The following PCDH19 variants were observed in gnomAD, a reference collection of about 807,000 sequenced individuals.
The protein encoded by PCDH19 is protocadherin 19.
PCDH19 carries 6 observed loss-of-function variants against 46.2 expected under a neutral mutation model. The observed-to-expected ratio is 0.13, with a 90% CI of 0.07 to 0.26. The LOEUF (loss-of-function observed/expected upper bound fraction) is 0.26. PCDH19 is among the 10% of genes least tolerant of loss of function. The probability of loss-of-function intolerance (pLI) is 1.00; values close to 1 mark genes in which losing one functional copy is unlikely to be tolerated. For synonymous variants in PCDH19, 481 were observed against 415.7 expected, an observed-to-expected ratio of 1.16 and a Z score of -1.91; for missense variants, 740 against 972.3, an observed-to-expected ratio of 0.76 and a Z score of 3.18.
chrX:100,296,442 C>T lies in PCDH19; in HGVS notation c.3282G>A (p.Leu1094=). The T allele has an allele frequency of 8.3e-7, 1 of 1,211,430 alleles. No homozygotes were observed. Among genetic ancestry groups the T allele is most frequent in the Non-Finnish European group, 1.1e-6 (1 of 895,440 alleles). ...TGTTGACATTGTTGACATACTGCTC[C>T]AGATCACGGGCTGGGGGAGCCAGGG... ...TIALAPPARD[L]EQYVNNVNNG... The change falls in exon 6 of 6, where the codon CTG becomes CTA. Residue 1094 remains leucine (L), a synonymous_variant. Coordinates refer to ENST00000373034, the MANE Select transcript of PCDH19 (RefSeq NM_001184880.2).
intron 5 of PCDH19, among the ~76,000 whole-genome samples, chrX:100,339,931 G>C (rs1247287567): frequency 8.9e-6 from 1 of 111,822 alleles, no homozygotes; most frequent in Non-Finnish European, 1.9e-5. Flanking sequence ...GTGTATGCAT[G>C]TGTGTGTGTG....
At chrX:100,393,537 A>AC (rs1927929746) in intron 3 of PCDH19, among the ~76,000 whole-genome samples, 33 of 57,531 alleles carry the variant, frequency 5.7e-4, no homozygotes, top group African/African-American at 1.6e-3. Flanking sequence ...CACACACACA[A>AC]ACTCCCCTAA....
At chrX:100,330,839 AG>A (rs1925851297) in intron 5 of PCDH19, among the ~76,000 whole-genome samples, 1 of 112,247 alleles carries the variant, frequency 8.9e-6, no homozygotes, top group Non-Finnish European at 1.9e-5. Context: ...ATGATAAAAC[AG>A]GGTTGTCTAT....
chrX:100,396,210 T>C lies in PCDH19; in HGVS notation c.2616+6314A>G, dbSNP rs903730519. 3.9e-4 allele frequency among the ~76,000 whole-genome samples: 44 copies of C among 112,161 alleles called. 2 individuals are homozygous for C. The highest frequency in any genetic ancestry group is 7.5e-5 in the Non-Finnish European group (4 of 53,260). ...CCTAAGAGCCACAGCACTGCCACAA[T>C]TGAAAGACTCCAGCTTTGCCAGGAG... On this transcript the variant is annotated intron_variant, in intron 3 of 5. Transcript: ENST00000373034.
At chrX:100,305,152 G>C (rs1370045827) in intron 5 of PCDH19, among the ~76,000 whole-genome samples, 3 of 111,763 alleles carry the variant, frequency 2.7e-5, no homozygotes, top group Non-Finnish European at 3.8e-5. Flanking sequence ...ACGAAGAAAA[G>C]AATCTTAAGA....
At chrX:100,375,977 C>T (rs1246978930) in intron 3 of PCDH19, among the ~76,000 whole-genome samples, 2 of 111,452 alleles carry the variant, frequency 1.8e-5, no homozygotes, top group Non-Finnish European at 3.8e-5. Flanking sequence ...TGACTCATGC[C>T]TGTAATCCCA....
chrX:100,305,756 G>A (rs1398220110), intron 5 of PCDH19, among the ~76,000 whole-genome samples: 3 of 111,577 alleles, frequency 2.7e-5, no homozygotes, highest in Non-Finnish European at 5.7e-5. Context: ...CACCAAAAGC[G>A]AGCAGGAATA....
chrX:100,372,972 A>G, intron 3 of PCDH19, among the ~76,000 whole-genome samples: 1 of 112,532 alleles, frequency 8.9e-6, no homozygotes, highest in Middle Eastern at 4.6e-3. Context: ...TGTTTAATTA[A>G]CATCCTCAGT....
At position 100,296,926 on chromosome X, in the gene PCDH19, C is replaced by T. The variant is rs962695828; in HGVS notation, c.2849-51G>A. 23 of 1,062,958 alleles carry T rather than the reference C, an allele frequency of 2.2e-5. 1 individual carries two copies. The highest frequency in any genetic ancestry group is 3.0e-5 in the Non-Finnish European group (23 of 762,693). 87.6% of individuals were successfully genotyped at this position (1,062,958 alleles called of 1,213,427 possible). On this transcript the variant is annotated intron_variant, in intron 5 of 5. Transcript: ENST00000373034. The stretch of plus-strand genomic sequence containing the variant: ...TTTCATCAGCTTTTCCCAGGATTCA[C>T]TGTTACTCCCCAGTGTTCTGGTTTC...
intron 3 of PCDH19, among the ~76,000 whole-genome samples, chrX:100,366,203 G>A (rs1432586112): frequency 8.9e-6 from 1 of 111,972 alleles, no homozygotes; most frequent in Non-Finnish European, 1.9e-5. Flanking sequence ...GAGATAAACT[G>A]CAATCAAAAT....
chrX:100,365,555 C>T (rs1227671749), intron 3 of PCDH19, among the ~76,000 whole-genome samples: 5 of 111,931 alleles, frequency 4.5e-5, no homozygotes, highest in Non-Finnish European at 9.4e-5. Flanking sequence ...ATTACTGCAA[C>T]CTGACAATGC....
chrX:100,406,828 G>A lies in PCDH19; in HGVS notation c.1770C>T (p.Val590=). Reference sequence around the variant, plus strand: ...CGCCCTCATCGTAGTCTTCTGCCTTGACAACAGTCACCAGGTAGCCTATGC... The same window carrying A: ...CGCCCTCATCGTAGTCTTCTGCCTTAACAACAGTCACCAGGTAGCCTATGC... The part of the protein sequence containing the change: ...NSGIGYLVTV[V]KAEDYDEGEN... Residue 590 remains valine (V), a synonymous_variant, in exon 1 of 6, where the codon GTC becomes GTT. Coordinates refer to ENST00000373034, the MANE Select transcript of PCDH19 (RefSeq NM_001184880.2). 1 of 1,211,845 alleles carries A rather than the reference G, an allele frequency of 8.3e-7. No homozygotes were observed. The highest frequency in any genetic ancestry group is 1.1e-6 in the Non-Finnish European group (1 of 895,521).
intron 3 of PCDH19, among the ~76,000 whole-genome samples, chrX:100,376,391 G>T (rs1927387629): frequency 9.0e-6 from 1 of 111,264 alleles, no homozygotes; most frequent in Non-Finnish European, 1.9e-5. Context: ...ACTTACTTTT[G>T]GTTCCCTTCC....
At chrX:100,316,575 T>C (rs1335548293) in intron 5 of PCDH19, among the ~76,000 whole-genome samples, 1 of 112,168 alleles carries the variant, frequency 8.9e-6, no homozygotes, top group Non-Finnish European at 1.9e-5. Flanking sequence ...AGAGACAGAA[T>C]AATTACTGGA....
chrX:100,354,868 G>A (rs766276977), intron 3 of PCDH19, among the ~76,000 whole-genome samples: 1 of 109,890 alleles, frequency 9.1e-6, no homozygotes, highest in East Asian at 2.9e-4. Flanking sequence ...TTTCTAATCA[G>A]ACAGCCAGGT....
rs780164135 is a variant in PCDH19, at chrX:100,407,560, G to A, written c.1038C>T (p.Ile346=). The A allele has an allele frequency of 1.7e-6, 2 of 1,211,382 alleles. No individual in the cohort carries two copies. The highest frequency in any genetic ancestry group is 2.2e-6 in the Non-Finnish European group (2 of 895,411). ...GCTCACTGTTGACTGACAGCAGGTT[G>A]ATGACCGGCGGATTGTCATTGGTGT... ...VLDTNDNPPV[I]NLLSVNSELV... is the part of the protein sequence containing the mutation. The change falls in exon 1 of 6, where the codon ATC becomes ATT. Residue 346 remains isoleucine, a synonymous_variant. Transcript: ENST00000373034.
At chrX:100,334,578 A>G (rs1056577688) in intron 5 of PCDH19, among the ~76,000 whole-genome samples, 56 of 111,135 alleles carry the variant, frequency 5.0e-4, no homozygotes, top group African/African-American at 1.8e-3. Context: ...AGGAGGAGCC[A>G]GACCCTGGCC....
At chrX:100,330,192 G>A (rs1925832461) in intron 5 of PCDH19, among the ~76,000 whole-genome samples, 1 of 112,029 alleles carries the variant, frequency 8.9e-6, no homozygotes, top group Non-Finnish European at 1.9e-5. Context: ...AAAACAGCAG[G>A]TGGTGATGCC....
chrX:100,403,712 A>C, intron 1 of PCDH19, 48 bp from the exon 2 acceptor site: 1 of 1,099,932 alleles, frequency 9.1e-7, no homozygotes, highest in Non-Finnish European at 1.2e-6. Context: ...TTCTCCATTC[A>C]GGTGTACCTA....
Sources: allele counts gnomAD v4.1 joint callset (sites outside exome capture counted in the v4.1 genomes callset), GRCh38; gene constraint gnomAD v4.1.1; transcripts MANE v1.5; gene names NCBI Gene and HGNC (gene_info 2026-07-23, HGNC 2026-07-21).